Variants in METTL15 observed in about 807,000 individuals in gnomAD.
METTL15 encodes 12S rRNA N(4)-cytidine methyltransferase METTL15.
Under a neutral mutation model 38.3 loss-of-function variants are expected in METTL15, and 34 were observed. The ratio of observed to expected loss-of-function variants is 0.89; its 90% CI spans 0.68 to 1.18. METTL15 has a LOEUF of 1.18. Among genes scored for constraint, METTL15 ranks in the 50% most tolerant of loss-of-function variants. The pLI, the probability that METTL15 is intolerant of heterozygous loss-of-function variation, is 0.00. For missense variants in METTL15, 438 were observed against 498.4 expected, an observed-to-expected ratio of 0.88 and a Z score of 1.15; for synonymous variants, 162 against 170.9, an observed-to-expected ratio of 0.95 and a Z score of 0.41.
At chr11:28,296,984 T>A in intron 6 of METTL15, 53 bp downstream of exon 6, 2 of 1,576,312 alleles carry the variant, frequency 1.3e-6, no homozygotes, top group Middle Eastern at 3.4e-4. Context: ...TATTTACATG[T>A]GTGCATGTGT....
rs999385043 is a variant in METTL15 at position 28,328,225 on chromosome 11, G to T, written c.779-2171G>T. ...GGACATCATGTTCCTGAGAGACCTG[G>T]TTGTTGGAAGATAAATCCCCTAGTG... is the stretch of plus-strand genomic sequence containing the variant. On this transcript the variant is annotated intron_variant, in intron 6 of 6. Coordinates refer to ENST00000407364, the MANE Select transcript of METTL15 (RefSeq NM_001113528.2). 8 of 1,507,682 alleles carry T rather than the reference G, an allele frequency of 5.3e-6. No individual in the cohort carries two copies. In the African/African-American group the frequency reaches 8.4e-5, roughly 16 times the overall value. The allele number at this position is 1,507,682 out of a possible 1,614,324, so 93.4% of individuals were successfully genotyped here.
At chr11:28,250,099 T>C (rs7107214) in intron 4 of METTL15, among the ~76,000 whole-genome samples, 150,831 of 152,194 alleles carry the variant, frequency 0.99, 74,745 homozygotes, top group Middle Eastern at 1. Context: ...CTATATGTAC[T>C]GCATTGTCTT....
At chr11:28,223,502 T>A (rs1260918598) in intron 4 of METTL15, among the ~76,000 whole-genome samples, 2 of 152,284 alleles carry the variant, frequency 1.3e-5, no homozygotes, top group South Asian at 4.1e-4. Context: ...AATTGCAACC[T>A]GTAGTAGGGC....
intron 6 of METTL15, among the ~76,000 whole-genome samples, chr11:28,442,047 T>C (rs544120972): frequency 6.6e-6 from 1 of 152,312 alleles, no homozygotes; most frequent in South Asian, 2.1e-4. Flanking sequence ...GCCTTTTAGA[T>C]AAGTTAAAAT....
At chr11:28,381,376 C>T (rs144681831) in intron 5 of METTL15, among the ~76,000 whole-genome samples, 1 of 152,052 alleles carries the variant, frequency 6.6e-6, no homozygotes, top group Non-Finnish European at 1.5e-5. Context: ...TTGGTGTTCT[C>T]TGACTTTCTG....
chr11:28,358,229 C>T (rs894208092), intron 4 of METTL15, among the ~76,000 whole-genome samples: 2 of 152,122 alleles, frequency 1.3e-5, no homozygotes, highest in East Asian at 3.9e-4. Context: ...GATTCTGGCC[C>T]TGGAGAGACT....
chr11:28,381,911 G>C (rs182219066), intron 5 of METTL15, among the ~76,000 whole-genome samples: 2 of 149,446 alleles, frequency 1.3e-5, no homozygotes, highest in East Asian at 3.9e-4. Context: ...ATGGTTTCCT[G>C]TTTCCTTTTT....
chr11:28,474,482 A>T (rs543505395), intron 6 of METTL15, among the ~76,000 whole-genome samples: 5 of 152,164 alleles, frequency 3.3e-5, no homozygotes, highest in Non-Finnish European at 7.4e-5. Context: ...ATGAGAAAGT[A>T]AGCTCCTAAA....
intron 6 of METTL15, among the ~76,000 whole-genome samples, chr11:28,446,751 T>C (rs1462608766): frequency 2.6e-5 from 4 of 152,152 alleles, no homozygotes; most frequent in Admixed American, 6.5e-5. Flanking sequence ...ATAATGAATG[T>C]TTATTGTAAA....
chr11:28,319,516 A>G (rs1849388443), intron 6 of METTL15, among the ~76,000 whole-genome samples: 1 of 152,060 alleles, frequency 6.6e-6, no homozygotes, highest in African/African-American at 2.4e-5. Context: ...TCTGAGATGA[A>G]CTAGTCAAAT....
intron 4 of METTL15, among the ~76,000 whole-genome samples, chr11:28,276,878 A>G (rs1277223207): frequency 6.6e-6 from 1 of 152,166 alleles, no homozygotes; most frequent in Non-Finnish European, 1.5e-5. Flanking sequence ...GAAGAATGAA[A>G]CTGGACCTCT....
chr11:28,233,800 T>C (rs1427752168), intron 4 of METTL15, among the ~76,000 whole-genome samples: 1 of 151,980 alleles, frequency 6.6e-6, no homozygotes, highest in African/African-American at 2.4e-5. Flanking sequence ...CTCCATTCTT[T>C]CTTTTTTTTT....
chr11:28,517,364 A>G (rs943305094), intron 6 of METTL15: 1 of 151,814 alleles, frequency 6.6e-6, no homozygotes, highest in African/African-American at 2.4e-5. Context: ...CTTTGGATGG[A>G]TATCCATCCA....
intron 3 of METTL15, among the ~76,000 whole-genome samples, chr11:28,139,828 A>C (rs1849636840): frequency 6.6e-6 from 1 of 152,192 alleles, no homozygotes; most frequent in Non-Finnish European, 1.5e-5. Context: ...GAAAAGAAAA[A>C]AACAGCTTAA....
intron 6 of METTL15, among the ~76,000 whole-genome samples, chr11:28,448,944 G>T (rs1351916609): frequency 6.6e-6 from 1 of 152,148 alleles, no homozygotes; most frequent in Non-Finnish European, 1.5e-5. Flanking sequence ...ATTTGCATTT[G>T]GGAGGGTTGG....
At chr11:28,366,910 C>T (rs1469977317) in intron 5 of METTL15, among the ~76,000 whole-genome samples, 6 of 152,138 alleles carry the variant, frequency 3.9e-5, no homozygotes, top group East Asian at 1.9e-4. Context: ...TAAGAAGTCA[C>T]AGTACCCCAA....
chr11:28,361,035 A>G (rs1850133795), intron 4 of METTL15, among the ~76,000 whole-genome samples: 1 of 152,054 alleles, frequency 6.6e-6, no homozygotes, highest in Admixed American at 6.5e-5. Context: ...TATATGTGCC[A>G]CATTTTCTTA....
chr11:28,411,103 A>C (rs1174922708), intron 5 of METTL15, among the ~76,000 whole-genome samples: 1 of 152,054 alleles, frequency 6.6e-6, no homozygotes, highest in Non-Finnish European at 1.5e-5. Flanking sequence ...AATTGAACAC[A>C]AATAAATGGA....
At chr11:28,245,489 A>G (rs2133912706) in intron 4 of METTL15, among the ~76,000 whole-genome samples, 1 of 152,196 alleles carries the variant, frequency 6.6e-6, no homozygotes, top group South Asian at 2.1e-4. Context: ...TTTAGTGATC[A>G]TGAAAAAAAA....
Sources: gnomAD v4.1 joint callset for allele counts (sites outside exome capture counted in the v4.1 genomes callset) on GRCh38, gnomAD v4.1.1 for gene constraint, MANE v1.5 for transcripts, NCBI Gene and HGNC (gene_info 2026-07-23, HGNC 2026-07-21) for gene names.